Variants in UBR4 observed in about 807,000 individuals in gnomAD.
UBR4 encodes ubiquitin protein ligase E3 component n-recognin 4.
In UBR4, 124 loss-of-function variants were observed where a neutral mutation model predicts 575.6. The observed-to-expected ratio is 0.22, with a 90% confidence interval of 0.19 to 0.25. The LOEUF is 0.25. Among genes scored for constraint, UBR4 ranks in the 10% least tolerant of loss-of-function variants. UBR4 has a pLI of 1.00. For missense variants in UBR4, 4,818 were observed against 6,478.8 expected, an observed-to-expected ratio of 0.74 and a Z score of 8.80; for synonymous variants, 2,455 against 2,473.7, an observed-to-expected ratio of 0.99 and a Z score of 0.22.
chr1:19,085,949 CA>C (rs1340252603), intron 101 of UBR4, among the ~76,000 whole-genome samples, 195 bp downstream of exon 101: 2 of 152,250 alleles, frequency 1.3e-5, no homozygotes, highest in South Asian at 4.2e-4. Context: ...TGGGCCATGT[CA>C]GGTCACCCCT....
intron 39 of UBR4, 44 bp downstream of exon 39, chr1:19,160,067 T>C (rs371568691): frequency 2.0e-5 from 31 of 1,589,094 alleles, no homozygotes; most frequent in Non-Finnish European, 2.7e-5. Flanking sequence ...AATAAATTTG[T>C]TGGTTCCCAC....
At chr1:19,120,533 G>A (rs2081054168) in intron 68 of UBR4, among the ~76,000 whole-genome samples, 185 bp from the exon 69 acceptor site, 1 of 152,220 alleles carries the variant, frequency 6.6e-6, no homozygotes, top group African/African-American at 2.4e-5. Flanking sequence ...AGCCCCAAAT[G>A]AGACATATGT....
In UBR4 at chr1:19,114,886, G is replaced by A. The variant is rs141261941; in HGVS notation, c.11127C>T (p.Ala3709=). 1 of 1,614,192 alleles carries A rather than the reference G, an allele frequency of 6.2e-7. No individual in the cohort carries two copies. Among genetic ancestry groups the A allele is most frequent in the South Asian group, 1.1e-5 (1 of 91,086 alleles). Residue 3709 remains alanine, a synonymous_variant, in exon 75 of 106, where the codon GCC becomes GCT. Transcript: ENST00000375254. ...LCNACGFCKY[A]RFDFMLYAKP... ...TGGCATAGAGCATGAAGTCGAAGCG[G>A]GCATATTTACAGAAGCCACAGGCAT... is the stretch of plus-strand genomic sequence containing the variant.
intron 99 of UBR4, among the ~76,000 whole-genome samples, chr1:19,087,379 T>G (rs1198054186): frequency 6.6e-6 from 1 of 152,256 alleles, no homozygotes; most frequent in African/African-American, 2.4e-5. Flanking sequence ...TAGAAAGTTC[T>G]GATTTTCTCC....
Position 19,187,240 on chromosome 1 carries a change from T to C in UBR4, c.1556A>G (p.Gln519Arg), listed in dbSNP as rs761120548. The C allele has an allele frequency of 4.3e-6, 7 of 1,613,860 alleles. No homozygotes were observed. In the South Asian group the frequency reaches 6.6e-5, roughly 15 times the overall value. The change falls in exon 13 of 106, where the codon CAG becomes CGG. Residue 519 changes from glutamine to arginine, a missense_variant. Transcript: ENST00000375254. ...LSIMAQSTSIQRIQRLIDSVP... is the reference protein window; with the variant it reads ...LSIMAQSTSIRRIQRLIDSVP... ...AGAGTCAATCAGCCGTTGAATCCTC[T>C]GTATGGAGGTGCTCTGGGCCATAAT...
Position 19,158,061 on chromosome 1 carries a change from G to A in UBR4, c.5578-64C>T, listed in dbSNP as rs541571055. ...GGCAAATAAAATCAAGTGGATTCAC[G>A]CACTATTCATGTGCCTGAGACACTG... is the stretch of plus-strand genomic sequence containing the variant. On this transcript the variant is annotated intron_variant, in intron 39 of 105. Coordinates refer to ENST00000375254, the MANE Select transcript of UBR4 (RefSeq NM_020765.3). 66 of 1,543,902 alleles carry A rather than the reference G, an allele frequency of 4.3e-5. 1 individual carries two copies. In the Admixed American group the frequency reaches 6.8e-4, roughly 16 times the overall value.
At chr1:19,206,319 A>G (rs1351997342) in intron 1 of UBR4, among the ~76,000 whole-genome samples, 1 of 151,508 alleles carries the variant, frequency 6.6e-6, no homozygotes, top group Non-Finnish European at 1.5e-5. Flanking sequence ...CCCAGCCAAC[A>G]GAAGGAGACC....
intron 11 of UBR4, among the ~76,000 whole-genome samples, chr1:19,189,711 A>G (rs2091890398): frequency 6.6e-6 from 1 of 152,190 alleles, no homozygotes; most frequent in Admixed American, 6.5e-5. Flanking sequence ...TAAAATATGA[A>G]GAAACAACAG....
In UBR4 at chr1:19,157,787, G is replaced by C. The variant is rs779506757; in HGVS notation, c.5760+28C>G. 13 of 1,608,482 alleles carry C rather than the reference G, an allele frequency of 8.1e-6. No individual in the cohort carries two copies. The highest frequency in any genetic ancestry group is 1.1e-5 in the South Asian group (1 of 90,770). ...AGCATTTAAGACAATATGACCTAAA[G>C]TAAGCGCACAAGAATTGGAGGACCC... On this transcript the variant is annotated intron_variant, in intron 40 of 105. Transcript: ENST00000375254. This position sits in a 1 kb window ranked among gnomAD's most constrained non-coding sequence, Gnocchi z 4.4.
In UBR4 at chr1:19,110,959, C is replaced by G; in HGVS notation, c.11802-127G>C. 1.1e-6 allele frequency: 1 copy of G among 896,898 alleles called. No individual in the cohort carries two copies. The highest frequency in any genetic ancestry group is 1.7e-6 in the Non-Finnish European group (1 of 595,024). 55.6% of individuals were successfully genotyped at this position (896,898 alleles called of 1,614,324 possible). On this transcript the variant is annotated intron_variant, in intron 78 of 105. Transcript: ENST00000375254. This position sits in a 1 kb window ranked among gnomAD's most constrained non-coding sequence, Gnocchi z 4.5. Reference sequence around the variant, plus strand: ...TACCTGGCCCCAAATTTTCTACTTCCTTCCCGGGGCAAGACTAGAACTTTA... The same window carrying G: ...TACCTGGCCCCAAATTTTCTACTTCGTTCCCGGGGCAAGACTAGAACTTTA...
chr1:19,184,249 T>C (rs1029714808), intron 15 of UBR4, 74 bp from the exon 16 acceptor site: 114 of 1,488,380 alleles, frequency 7.7e-5, no homozygotes, highest in Non-Finnish European at 8.3e-5. Flanking sequence ...TGATTACAAA[T>C]AGAAAATAAA....
At chr1:19,078,237 G>T in intron 103 of UBR4, 171 bp from the exon 104 acceptor site, 1 of 605,138 alleles carries the variant, frequency 1.7e-6, no homozygotes, top group Non-Finnish European at 2.9e-6. Flanking sequence ...AACCTCTGGA[G>T]CCCTGGGACC....
chr1:19,092,637 T>A (rs2077636629), intron 97 of UBR4, 182 bp downstream of exon 97: 1 of 515,948 alleles, frequency 1.9e-6, no homozygotes, highest in Admixed American at 3.5e-5. Context: ...TAAGAATGAG[T>A]TGAATGAGGA....
rs1233207084 is a variant in UBR4 at position 19,177,486 on chromosome 1, T to A, written c.2612A>T (p.Lys871Ile). The A allele has an allele frequency of 1.2e-6, 2 of 1,614,128 alleles. No individual in the cohort carries two copies. Among genetic ancestry groups the A allele is most frequent in the South Asian group, 2.2e-5 (2 of 91,066 alleles). Residue 871 changes from lysine to isoleucine, a missense_variant, in exon 19 of 106, where the codon AAA (lysine) becomes ATA (isoleucine). Transcript: ENST00000375254. ...CTGCTCAAATAGATACACAGGGGCT[T>A]TGGAGTACTGATGAAGCAGATAATC... Reference protein sequence around the residue: ...IFDYLLHQYSKAPVYLFEQVQ... With the variant: ...IFDYLLHQYSIAPVYLFEQVQ...
In UBR4 at chr1:19,155,653, C is replaced by G; in HGVS notation, c.6088G>C (p.Val2030Leu). 6.2e-7 allele frequency: 1 copy of G among 1,614,076 alleles called. No individual in the cohort carries two copies. ...ADFVKIYDLC[V>L]DALSPTFYFL... ...TAGAAGGTTGGACTCAAGGCATCAA[C>G]ACACAGGTCATAAATCTGCAGGATG... Residue 2030 changes from valine (V) to leucine (L), a missense_variant, in exon 43 of 106, where the codon GTT becomes CTT. Around this residue, in one of 29 missense-constraint regions of UBR4, gnomAD observed 461 missense variants for 606.9 expected, o/e 0.76. Coordinates refer to ENST00000375254, the MANE Select transcript of UBR4 (RefSeq NM_020765.3).
At chr1:19,095,784 G>A (rs964630348) in intron 92 of UBR4, 132 bp from the exon 93 acceptor site, 3 of 749,866 alleles carry the variant, frequency 4.0e-6, no homozygotes, top group African/African-American at 1.8e-5. Flanking sequence ...GAGGACAGGA[G>A]GGAGAAGCGG....
chr1:19,201,488 T>C (rs967345440), intron 2 of UBR4, among the ~76,000 whole-genome samples: 1 of 152,192 alleles, frequency 6.6e-6, no homozygotes, highest in East Asian at 1.9e-4. Context: ...TTAATACTTA[T>C]AAAGCAGGTG....
intron 1 of UBR4, among the ~76,000 whole-genome samples, chr1:19,208,903 A>T (rs745924410): frequency 4.6e-5 from 7 of 152,250 alleles, no homozygotes; most frequent in Non-Finnish European, 8.8e-5. Context: ...GCAGCCACGT[A>T]ATTTGAAAGT....
At chr1:19,121,522 C>G (rs892231472) in intron 67 of UBR4, 88 bp from the exon 68 acceptor site, 1 of 1,483,356 alleles carries the variant, frequency 6.7e-7, no homozygotes, top group Non-Finnish European at 9.1e-7. Flanking sequence ...ACAGCTGAGA[C>G]TGCCCTGTTC....
Sources: gnomAD v4.1 joint callset for allele counts (sites outside exome capture counted in the v4.1 genomes callset) on GRCh38, gnomAD v4.1.1 for gene constraint, gnomAD v4.1.1 regional missense constraint, Gnocchi (gnomAD v3.1) non-coding constraint, MANE v1.5 for transcripts, NCBI Gene and HGNC (gene_info 2026-07-23, HGNC 2026-07-21) for gene names.